HS6ST3: variants seen among roughly 807,000 people sequenced by gnomAD.
HS6ST3 encodes the protein heparan sulfate 6-O-sulfotransferase 3.
A neutral mutation model predicts 36.7 loss-of-function variants in HS6ST3; 12 were observed. The ratio of observed to expected loss-of-function variants is 0.33; its 90% CI spans 0.21 to 0.53. HS6ST3 has a LOEUF of 0.53. Ranked by LOEUF, HS6ST3 falls within the 20% of genes least tolerant of loss-of-function variation. The probability of loss-of-function intolerance (pLI) is 0.95; values close to 1 mark genes in which losing one functional copy is unlikely to be tolerated. For missense variants in HS6ST3, 584 were observed against 640.9 expected (o/e 0.91, Z 0.96); for synonymous variants, 240 against 257.5 (o/e 0.93, Z 0.65).
intron 1 of HS6ST3, among the ~76,000 whole-genome samples, chr13:96,664,041 A>C (rs2056655329): frequency 6.6e-6 from 1 of 152,140 alleles, no homozygotes; most frequent in Non-Finnish European, 1.5e-5. Flanking sequence ...ATGGTCTAAA[A>C]TTGCTTTGTG....
At chr13:96,099,920 C>T (rs1158275812) in intron 1 of HS6ST3, among the ~76,000 whole-genome samples, 3 of 152,010 alleles carry the variant, frequency 2.0e-5, no homozygotes, top group East Asian at 1.9e-4. Flanking sequence ...AGAGCAAACA[C>T]GGTTTGAAAG....
chr13:96,678,875 A>T (rs920860581), intron 1 of HS6ST3, among the ~76,000 whole-genome samples: 2 of 151,992 alleles, frequency 1.3e-5, no homozygotes, highest in African/African-American at 4.8e-5. Flanking sequence ...CCAACTATTG[A>T]TGCAGCCCTT....
At chr13:96,799,237 A>C (rs1025977823) in intron 1 of HS6ST3, among the ~76,000 whole-genome samples, 3 of 152,112 alleles carry the variant, frequency 2.0e-5, no homozygotes, top group African/African-American at 7.2e-5. Context: ...ACAGTGTAAA[A>C]GTGTTCCTGT....
At chr13:96,123,775 C>T (rs930311096) in intron 1 of HS6ST3, among the ~76,000 whole-genome samples, 4 of 152,062 alleles carry the variant, frequency 2.6e-5, no homozygotes, top group African/African-American at 9.7e-5. Flanking sequence ...AAGGGTAAAC[C>T]TTTTCCAGCT....
chr13:96,091,125 C>CGGA lies in HS6ST3; in HGVS notation c.273_275dup (p.Glu91dup). The CGGA allele has an allele frequency of 6.9e-7, 1 of 1,444,498 alleles. No individual in the cohort carries two copies. Among genetic ancestry groups the CGGA allele is most frequent in the Non-Finnish European group, 9.1e-7 (1 of 1,102,618 alleles). 89.5% of individuals were successfully genotyped at this position (1,444,498 alleles called of 1,614,324 possible). A position where few individuals can be genotyped will look rare whatever the true frequency, so the allele number is the denominator to read the frequency against. On this transcript the variant is annotated inframe_insertion, in exon 1 of 2. Coordinates refer to ENST00000376705, the MANE Select transcript of HS6ST3 (RefSeq NM_153456.4). ...GAGGGACCTCGGGGGGCCGCGGCGC[C>CGGA]GGAGGAGGAGGACGAGGAGCCCGGA...
At chr13:96,702,038 C>T (rs375771416) in intron 1 of HS6ST3, among the ~76,000 whole-genome samples, 35 of 152,242 alleles carry the variant, frequency 2.3e-4, no homozygotes, top group African/African-American at 8.2e-4. Context: ...AGGACAGAGG[C>T]TGCATAGAGA....
At chr13:96,704,495 A>G (rs976685214) in intron 1 of HS6ST3, among the ~76,000 whole-genome samples, 1 of 152,224 alleles carries the variant, frequency 6.6e-6, no homozygotes, top group African/African-American at 2.4e-5. Flanking sequence ...ATGAGGAACA[A>G]AGATCAGAAA....
Position 96,091,087 on chromosome 13 carries a change from CCGGGGGCCCCCCGAGGGACCT to C in HS6ST3, c.232_252del (p.Pro78_Gly84del), listed in dbSNP as rs752615617. The C allele has an allele frequency of 1.2e-4, 160 of 1,301,122 alleles. No homozygotes were observed. The Admixed American group carries it at 1.6e-3, about 13-fold the overall frequency. 80.6% of individuals were successfully genotyped at this position (1,301,122 alleles called of 1,614,324 possible). On this transcript the variant is annotated inframe_deletion, in exon 1 of 2. Transcript: ENST00000376705. ...GGCGGCCCCAGTTGCCCCCGCCGCC[CCGGGGGCCCCCCGAGGGACCT>C]CGGGGGGCCGCGGCGCCGGAGGAGG... is the stretch of plus-strand genomic sequence containing the variant.
chr13:96,094,982 C>T (rs1009060837), intron 1 of HS6ST3, among the ~76,000 whole-genome samples: 14 of 152,122 alleles, frequency 9.2e-5, no homozygotes, highest in African/African-American at 3.4e-4. Flanking sequence ...CCTTAAAAGA[C>T]TCCTTTTTAG....
chr13:96,734,475 A>G (rs1420427664), intron 1 of HS6ST3, among the ~76,000 whole-genome samples: 1 of 152,246 alleles, frequency 6.6e-6, no homozygotes, highest in African/African-American at 2.4e-5. Context: ...AGATTAAAGT[A>G]ACTATTTGTT....
chr13:96,692,082 G>A (rs149466507), intron 1 of HS6ST3, among the ~76,000 whole-genome samples: 2 of 152,166 alleles, frequency 1.3e-5, no homozygotes, highest in Non-Finnish European at 2.9e-5. Flanking sequence ...TGATCGTTTG[G>A]TAATTAGGCA....
intron 1 of HS6ST3, among the ~76,000 whole-genome samples, chr13:96,727,462 A>G (rs1045317389): frequency 1.3e-5 from 2 of 151,986 alleles, no homozygotes; most frequent in East Asian, 1.9e-4. Flanking sequence ...TCTCATTTAG[A>G]TTGTTACAGT....
chr13:96,533,227 G>T (rs1289818844), intron 1 of HS6ST3, among the ~76,000 whole-genome samples: 2 of 152,096 alleles, frequency 1.3e-5, no homozygotes, highest in Non-Finnish European at 2.9e-5. Flanking sequence ...TTCTTCAGGG[G>T]GGTAGAGACA....
Position 96,838,007 on chromosome 13 carries a change from A to G in HS6ST3, c.*4809A>G, listed in dbSNP as rs1157769835. On this transcript the variant is annotated 3_prime_UTR_variant, in exon 2 of 2. Coordinates refer to ENST00000376705, the MANE Select transcript of HS6ST3 (RefSeq NM_153456.4). ...GAGAGGAAATGCTTTAAGTTGTCCT[A>G]AGATAACATCTGCACACAGAGAGTT... 1 of 152,150 alleles carries G rather than the reference A, an allele frequency of 6.6e-6. No individual in the cohort carries two copies. Among genetic ancestry groups the G allele is most frequent in the African/African-American group, 2.4e-5 (1 of 41,432 alleles). 9.4% of individuals were successfully genotyped at this position (152,150 alleles called of 1,614,324 possible).
intron 1 of HS6ST3, among the ~76,000 whole-genome samples, chr13:96,656,646 A>G (rs1477982443): frequency 2.0e-5 from 3 of 152,096 alleles, no homozygotes; most frequent in African/African-American, 7.2e-5. Context: ...CTGCCTCTGG[A>G]CAATGTGCGG....
At chr13:96,185,216 A>T (rs2054259777) in intron 1 of HS6ST3, among the ~76,000 whole-genome samples, 1 of 152,254 alleles carries the variant, frequency 6.6e-6, no homozygotes, top group African/African-American at 2.4e-5. Context: ...AAGTTTGTCC[A>T]TCACATAGCT....
At chr13:96,715,365 T>G (rs1479138203) in intron 1 of HS6ST3, among the ~76,000 whole-genome samples, 1 of 152,080 alleles carries the variant, frequency 6.6e-6, no homozygotes, top group African/African-American at 2.4e-5. Flanking sequence ...ATTTGGTTCT[T>G]TAATTATGTT....
intron 1 of HS6ST3, among the ~76,000 whole-genome samples, chr13:96,626,485 C>A (rs765433469): frequency 5.9e-5 from 9 of 152,096 alleles, no homozygotes; most frequent in Non-Finnish European, 1.3e-4. Flanking sequence ...TGTATTTAAA[C>A]AAGAATTTTA....
intron 1 of HS6ST3, among the ~76,000 whole-genome samples, chr13:96,514,611 C>T (rs893799696): frequency 1.9e-4 from 29 of 152,128 alleles, no homozygotes; most frequent in Non-Finnish European, 3.7e-4. Context: ...GCTGCCGACA[C>T]GCCAAGAGAA....
Sources: gnomAD v4.1 joint callset for allele counts (sites outside exome capture counted in the v4.1 genomes callset) on GRCh38, gnomAD v4.1.1 for gene constraint, MANE v1.5 for transcripts, NCBI Gene and HGNC (gene_info 2026-07-23, HGNC 2026-07-21) for gene names.